The following FER1L6 variants were observed in gnomAD, a reference collection of about 807,000 sequenced individuals.
FER1L6 encodes the protein fer-1 like family member 6, also known as fer-1-like protein 6.
Under a neutral mutation model 219.2 loss-of-function variants are expected in FER1L6, and 177 were observed. The ratio of observed to expected loss-of-function variants is 0.81; its 90% CI spans 0.71 to 0.91. FER1L6 has a LOEUF of 0.91. Among genes scored for constraint, FER1L6 ranks in the 40% least tolerant of loss-of-function variants. FER1L6 has a pLI of 0.00. For missense variants in FER1L6, 2,153 were observed against 2,259.9 expected (o/e 0.95, Z 0.96); for synonymous variants, 768 against 824.3 (o/e 0.93, Z 1.17).
chr8:124,090,576 T>C lies in FER1L6; in HGVS notation c.4392-847T>C, dbSNP rs116938701. On this transcript the variant is annotated intron_variant, in intron 33 of 40. Transcript: ENST00000522917. ...CTTTTCAGGATTCTTTGGCATAATG[T>C]GGGAAAACTACTTGATAGCTCCATT... 6.7e-3 allele frequency among the ~76,000 whole-genome samples: 1,014 copies of C among 152,312 alleles called. 9 individuals are homozygous for C. Among genetic ancestry groups the C allele is most frequent in the African/African-American group, 0.018 (758 of 41,564 alleles).
intron 1 of FER1L6, among the ~76,000 whole-genome samples, chr8:123,920,552 C>T (rs1026433693): frequency 2.6e-5 from 4 of 152,194 alleles, no homozygotes; most frequent in Non-Finnish European, 2.9e-5. Flanking sequence ...GGAGGGCCCA[C>T]GTCTAGCCTG....
intron 12 of FER1L6, among the ~76,000 whole-genome samples, chr8:123,991,875 C>T (rs1291129329): frequency 6.6e-6 from 1 of 151,944 alleles, no homozygotes; most frequent in African/African-American, 2.4e-5. Context: ...TATGTCCCTT[C>T]CATGCCTACT....
At chr8:124,110,630 A>G (rs963184207) in intron 39 of FER1L6, among the ~76,000 whole-genome samples, 12 of 152,250 alleles carry the variant, frequency 7.9e-5, no homozygotes, top group Non-Finnish European at 1.8e-4. Context: ...TTGCAAAGAC[A>G]GAAATTTCCT....
chr8:124,015,599 A>G (rs1441079831), intron 15 of FER1L6, among the ~76,000 whole-genome samples: 8 of 96,004 alleles, frequency 8.3e-5, no homozygotes, highest in African/African-American at 4.9e-4. Flanking sequence ...ATATATATAT[A>G]TATATATATA....
Position 124,057,906 on chromosome 8 carries a change from G to T in FER1L6, c.2875-2274G>T, listed in dbSNP as rs552239597. ...TCTGGTTTCTTACTGAACAGATTAA[G>T]CATTGTTACTTTAAAGTTCATGTCT... On this transcript the variant is annotated intron_variant, in intron 22 of 40. Coordinates refer to ENST00000522917, the MANE Select transcript of FER1L6 (RefSeq NM_001039112.2). 6.6e-4 allele frequency among the ~76,000 whole-genome samples: 100 copies of T among 152,064 alleles called. 1 individual carries two copies. The highest frequency in any genetic ancestry group is 1.6e-4 in the Non-Finnish European group (11 of 68,012).
chr8:124,035,516 A>C, intron 19 of FER1L6, 62 bp downstream of exon 19: 2 of 1,518,624 alleles, frequency 1.3e-6, no homozygotes, highest in Admixed American at 2.1e-5. Flanking sequence ...TGAAAAGATA[A>C]TAAGGAGGGC....
At chr8:123,900,568 G>T (rs1812838579) in intron 1 of FER1L6, among the ~76,000 whole-genome samples, 1 of 152,056 alleles carries the variant, frequency 6.6e-6, no homozygotes, top group Non-Finnish European at 1.5e-5. Flanking sequence ...TTTTCAGAGG[G>T]GATGCTTTCA....
In FER1L6 at chr8:124,111,193, G is replaced by A. The variant is rs924815067; in HGVS notation, c.5290-7651G>A. On this transcript the variant is annotated intron_variant, in intron 39 of 40. Transcript: ENST00000522917. This position sits in a 1 kb window ranked among gnomAD's most constrained non-coding sequence, Gnocchi z 5.0. ...GTAAATGCTCTAAGAGAAAAGAAAA[G>A]GGGGAAGGAAATCTCTTCCCATTTT... is the stretch of plus-strand genomic sequence containing the variant. Among the ~76,000 whole-genome samples the A allele has an allele frequency of 6.6e-6, 1 of 152,212 alleles. No homozygotes were observed. Among genetic ancestry groups the A allele is most frequent in the Non-Finnish European group, 1.5e-5 (1 of 68,032 alleles).
At chr8:123,922,100 C>G (rs1332134589) in intron 1 of FER1L6, among the ~76,000 whole-genome samples, 1 of 152,230 alleles carries the variant, frequency 6.6e-6, no homozygotes, top group East Asian at 1.9e-4. Context: ...TCCCTCAGAG[C>G]CGTGCCTCCA....
At chr8:123,967,743 G>T (rs751328822) in intron 5 of FER1L6, among the ~76,000 whole-genome samples, 5 of 152,172 alleles carry the variant, frequency 3.3e-5, no homozygotes, top group Non-Finnish European at 7.3e-5. Context: ...AGATCACGAG[G>T]TCAGGAGTTT....
At chr8:124,040,669 T>C (rs1819445769) in intron 20 of FER1L6, 1 of 153,226 alleles carries the variant, frequency 6.5e-6, no homozygotes, top group Non-Finnish European at 1.5e-5. Flanking sequence ...CCGTATCTGA[T>C]GAGGGCCTTC....
At chr8:124,044,408 T>C (rs569842018) in intron 20 of FER1L6, among the ~76,000 whole-genome samples, 1 of 152,342 alleles carries the variant, frequency 6.6e-6, no homozygotes, top group African/African-American at 2.4e-5. Context: ...AAATGCACAA[T>C]ATTTTTATGA....
At chr8:123,886,780 A>G (rs1817210711) in intron 1 of FER1L6, among the ~76,000 whole-genome samples, 1 of 152,228 alleles carries the variant, frequency 6.6e-6, no homozygotes, top group Non-Finnish European at 1.5e-5. Flanking sequence ...AGGCATTGGT[A>G]TGTTAAGCAT....
chr8:124,078,877 C>T (rs912462500), intron 32 of FER1L6, among the ~76,000 whole-genome samples: 7 of 152,098 alleles, frequency 4.6e-5, no homozygotes, highest in African/African-American at 1.4e-4. Context: ...AACAAAGTAC[C>T]ATAAACTGGG....
chr8:123,895,327 C>G (rs1812725771), intron 1 of FER1L6, among the ~76,000 whole-genome samples: 2 of 152,156 alleles, frequency 1.3e-5, no homozygotes, highest in African/African-American at 4.8e-5. Context: ...GATTCTGGAC[C>G]AGGTCTTTTG....
At chr8:123,960,659 G>A (rs1563709164) in intron 2 of FER1L6, among the ~76,000 whole-genome samples, 1 of 152,042 alleles carries the variant, frequency 6.6e-6, no homozygotes, top group African/African-American at 2.4e-5. Flanking sequence ...TCTAGCTTCC[G>A]GTTGTGGCAG....
chr8:124,044,671 A>G (rs373577685), intron 20 of FER1L6, among the ~76,000 whole-genome samples: 1 of 152,344 alleles, frequency 6.6e-6, no homozygotes, highest in South Asian at 2.1e-4. Context: ...TTTGCCTGGA[A>G]GAGAAAGAAA....
At chr8:124,116,771 G>T (rs1047247662) in intron 39 of FER1L6, among the ~76,000 whole-genome samples, 1 of 152,116 alleles carries the variant, frequency 6.6e-6, no homozygotes. Flanking sequence ...ATAACATACT[G>T]CTCAGCAGAG....
intron 21 of FER1L6, chr8:124,046,438 T>C (rs1819740113): frequency 6.6e-6 from 1 of 152,376 alleles, no homozygotes; most frequent in African/African-American, 2.4e-5. Context: ...CCTCTTGTTC[T>C]CCAAAGACGT....
Sources: gnomAD v4.1 joint callset for allele counts (sites outside exome capture counted in the v4.1 genomes callset) on GRCh38, gnomAD v4.1.1 for gene constraint, Gnocchi (gnomAD v3.1) non-coding constraint, MANE v1.5 for transcripts, NCBI Gene and HGNC (gene_info 2026-07-23, HGNC 2026-07-21) for gene names.